The following ITPR2 variants were observed in gnomAD, a reference collection of about 807,000 sequenced individuals.
ITPR2 encodes the protein inositol 1,4,5-trisphosphate receptor type 2, also known as inositol 1,4,5-trisphosphate-gated calcium channel ITPR2.
Under a neutral mutation model 317.1 loss-of-function variants are expected in ITPR2, and 207 were observed. The ratio of observed to expected loss-of-function variants is 0.65; its 90% CI spans 0.58 to 0.73. ITPR2 has a LOEUF of 0.73. Among genes scored for constraint, ITPR2 ranks in the 30% least tolerant of loss-of-function variants. The probability of loss-of-function intolerance (pLI) is 0.00; values close to 1 mark genes in which losing one functional copy is unlikely to be tolerated. For missense variants in ITPR2, 2,613 were observed against 3,284.0 expected (o/e 0.80, Z 4.99); for synonymous variants, 1,156 against 1,149.1 (o/e 1.01, Z -0.12).
chr12:26,782,028 A>G (rs1412662486), intron 2 of ITPR2, among the ~76,000 whole-genome samples: 345 of 24,886 alleles, frequency 0.014, 1 homozygote, highest in African/African-American at 0.019. Flanking sequence ...ATATATATAT[A>G]TATATGTATA....
At chr12:26,715,887 C>A (rs1235857405) in intron 6 of ITPR2, 52 bp from the exon 7 acceptor site, 1 of 1,266,946 alleles carries the variant, frequency 7.9e-7, no homozygotes, top group South Asian at 1.2e-5. Context: ...CCATTCTCTA[C>A]CAGAAATTAT....
chr12:26,676,011 A>G (rs1431393029), intron 13 of ITPR2, among the ~76,000 whole-genome samples: 4 of 152,176 alleles, frequency 2.6e-5, no homozygotes, highest in Non-Finnish European at 4.4e-5. Flanking sequence ...TACAAAAATT[A>G]GCTAGGTGTG....
chr12:26,807,881 CT>C (rs1950666169), intron 1 of ITPR2, among the ~76,000 whole-genome samples: 1 of 152,186 alleles, frequency 6.6e-6, no homozygotes, highest in Non-Finnish European at 1.5e-5. Flanking sequence ...CCAAGTACAA[CT>C]CTTAAACATG....
rs1386836511 is a variant in ITPR2, at chr12:26,683,516, ATGAATTATAG to A, written c.1149-853_1149-844del. ...TGTGCTAGATGAGCTTCGTTCATGCATGAATTATAGTGCTGTTGACCACAAGTTCAATGTT... is the reference window on the plus strand; with the variant it reads ...TGTGCTAGATGAGCTTCGTTCATGCATGCTGTTGACCACAAGTTCAATGTT... On this transcript the variant is annotated intron_variant, in intron 11 of 56. Transcript: ENST00000381340. Among the ~76,000 whole-genome samples the A allele has an allele frequency of 4.6e-5, 7 of 152,360 alleles. No individual in the cohort carries two copies. In the East Asian group the frequency reaches 1.3e-3, roughly 29 times the overall value.
rs750582117 is a variant in ITPR2 at position 26,667,354 on chromosome 12, A to C, written c.1410-1303T>G. On this transcript the variant is annotated intron_variant, in intron 13 of 56. Coordinates refer to ENST00000381340, the MANE Select transcript of ITPR2 (RefSeq NM_002223.4). ...TAATTTAGTCACCCAGAGAAATTTC[A>C]GTATACTTCCAGGGATCATAAACTC... Among the ~76,000 whole-genome samples, 150 of 152,356 alleles carry C rather than the reference A, an allele frequency of 9.8e-4. 3 individuals are homozygous for C. Among genetic ancestry groups the C allele is most frequent in the Non-Finnish European group, 4.0e-4 (27 of 68,038 alleles).
At chr12:26,497,705 A>T (rs1398241079) in intron 37 of ITPR2, among the ~76,000 whole-genome samples, 1 of 139,088 alleles carries the variant, frequency 7.2e-6, no homozygotes, top group Non-Finnish European at 1.6e-5. Context: ...CATAGTGCCA[A>T]GAATTTTTTT....
intron 8 of ITPR2, among the ~76,000 whole-genome samples, chr12:26,713,642 T>C (rs1218215643): frequency 3.3e-5 from 5 of 152,186 alleles, no homozygotes; most frequent in Admixed American, 1.3e-4. Flanking sequence ...AGCAAAAATA[T>C]GAGAGAATTT....
intron 45 of ITPR2, among the ~76,000 whole-genome samples, chr12:26,464,487 C>T (rs1423832635): frequency 6.6e-6 from 1 of 152,206 alleles, no homozygotes; most frequent in Non-Finnish European, 1.5e-5. Context: ...TTGCCTGCCA[C>T]TCACCTCCTG....
At chr12:26,588,182 AT>A (rs1945586182) in intron 32 of ITPR2, among the ~76,000 whole-genome samples, 1 of 152,216 alleles carries the variant, frequency 6.6e-6, no homozygotes, top group Non-Finnish European at 1.5e-5. Context: ...GAAACTAGAC[AT>A]CAGGAGAACC....
chr12:26,648,919 T>C (rs1480118308), intron 21 of ITPR2: 1 of 152,190 alleles, frequency 6.6e-6, no homozygotes, highest in African/African-American at 2.4e-5. Flanking sequence ...AACAGAACTT[T>C]TGTTAGGAAT....
At chr12:26,528,506 T>C (rs1460740282) in intron 37 of ITPR2, among the ~76,000 whole-genome samples, 1 of 152,226 alleles carries the variant, frequency 6.6e-6, no homozygotes, top group African/African-American at 2.4e-5. Flanking sequence ...TGTACTGAAA[T>C]GCCATTTCTT....
At chr12:26,383,899 G>T (rs1252122729) in intron 55 of ITPR2, among the ~76,000 whole-genome samples, 2 of 151,056 alleles carry the variant, frequency 1.3e-5, no homozygotes, top group Non-Finnish European at 3.0e-5. Flanking sequence ...ATTCAGATGA[G>T]TTGTTTTGTG....
At chr12:26,713,535 C>G (rs1411014774) in intron 8 of ITPR2, among the ~76,000 whole-genome samples, 1 of 152,200 alleles carries the variant, frequency 6.6e-6, no homozygotes, top group African/African-American at 2.4e-5. Flanking sequence ...TATTCGCTCC[C>G]TATTCTGGTC....
intron 55 of ITPR2, among the ~76,000 whole-genome samples, chr12:26,375,506 C>T (rs796250400): frequency 1.2e-4 from 18 of 152,350 alleles, no homozygotes; most frequent in African/African-American, 3.6e-4. Context: ...AAGTCAACAT[C>T]CTCTTTCAGA....
chr12:26,348,126 C>G (rs1389720263), intron 55 of ITPR2, among the ~76,000 whole-genome samples: 1 of 152,190 alleles, frequency 6.6e-6, no homozygotes, highest in African/African-American at 2.4e-5. Context: ...AAGCATTTCC[C>G]CCAGAGCCTC....
At chr12:26,663,543 T>C (rs998507968) in intron 15 of ITPR2, 142 bp downstream of exon 15, 5 of 783,578 alleles carry the variant, frequency 6.4e-6, no homozygotes, top group African/African-American at 1.7e-5. Context: ...TTACAAATCA[T>C]TTTTATGTAT....
At chr12:26,702,948 T>G (rs1948477660) in intron 9 of ITPR2, among the ~76,000 whole-genome samples, 1 of 152,266 alleles carries the variant, frequency 6.6e-6, no homozygotes, top group African/African-American at 2.4e-5. Context: ...ATGTGTTTTC[T>G]CTATGTGATT....
intron 15 of ITPR2, among the ~76,000 whole-genome samples, chr12:26,663,034 G>C (rs998748454): frequency 4.6e-5 from 7 of 152,258 alleles, no homozygotes; most frequent in Admixed American, 4.6e-4. Flanking sequence ...ACTGTTAGCT[G>C]TACCCCTAGA....
In ITPR2 at chr12:26,816,781, T is replaced by A. The variant is rs544586087; in HGVS notation, c.92+15909A>T. Among the ~76,000 whole-genome samples, 7 of 152,090 alleles carry A rather than the reference T, an allele frequency of 4.6e-5. 1 individual carries two copies. Among genetic ancestry groups the A allele is most frequent in the African/African-American group, 1.7e-4 (7 of 41,484 alleles). ...GAGATCAGGAACAGTTCACTATAGA[T>A]GAGTCAGAAAGCTGGAAATCCACAT... On this transcript the variant is annotated intron_variant, in intron 1 of 56. Coordinates refer to ENST00000381340, the MANE Select transcript of ITPR2 (RefSeq NM_002223.4).
Sources: allele counts gnomAD v4.1 joint callset (sites outside exome capture counted in the v4.1 genomes callset), GRCh38; gene constraint gnomAD v4.1.1; transcripts MANE v1.5; gene names NCBI Gene and HGNC (gene_info 2026-07-23, HGNC 2026-07-21).